The following CCDC102A variants were observed in gnomAD, a reference collection of about 807,000 sequenced individuals.
CCDC102A encodes the protein coiled-coil domain-containing protein 102A.
CCDC102A carries 40 observed loss-of-function variants against 55.5 expected under a neutral mutation model. The ratio of observed to expected loss-of-function variants is 0.72; its 90% confidence interval spans 0.56 to 0.94. The LOEUF (loss-of-function observed/expected upper bound fraction) is 0.94. CCDC102A is among the 40% of genes least tolerant of loss of function. The probability of loss-of-function intolerance (pLI) is 0.00; values close to 1 mark genes in which losing one functional copy is unlikely to be tolerated. For synonymous variants in CCDC102A, 323 were observed against 339.0 expected, an observed-to-expected ratio of 0.95 and a Z score of 0.52; for missense variants, 779 against 768.6, an observed-to-expected ratio of 1.01 and a Z score of -0.16.
intron 3 of CCDC102A, among the ~76,000 whole-genome samples, chr16:57,521,600 T>C (rs187007743): frequency 6.6e-6 from 1 of 152,218 alleles, no homozygotes; most frequent in Non-Finnish European, 1.5e-5. Flanking sequence ...CTATGTTCCC[T>C]GCAAGGCTTG....
chr16:57,536,108 C>T (rs1851945316), intron 1 of CCDC102A, among the ~76,000 whole-genome samples: 3 of 152,156 alleles, frequency 2.0e-5, no homozygotes, highest in Non-Finnish European at 2.9e-5. Context: ...CTGGGCAGGG[C>T]GCCGTGCTCT....
upstream of CCDC102A, chr16:57,536,717 GGGGCTCCAGCCTAACTTCGGGGCGA>G (rs2032402242): frequency 6.6e-6 from 1 of 152,204 alleles, no homozygotes; most frequent in South Asian, 2.1e-4. Context: ...TGCTGGGGTG[GGGGCTCCAGCCTAACTTCGGGGCGA>G]GGGGTGCGGG....
intron 1 of CCDC102A, among the ~76,000 whole-genome samples, chr16:57,534,462 CTTCA>C (rs1271052136): frequency 6.6e-6 from 1 of 152,184 alleles, no homozygotes; most frequent in Non-Finnish European, 1.5e-5. Context: ...TCTCTCCTTC[CTTCA>C]TCAGCAAACT....
intron 1 of CCDC102A, among the ~76,000 whole-genome samples, chr16:57,536,235 G>C (rs1288376987): frequency 6.7e-6 from 1 of 149,820 alleles, no homozygotes; most frequent in African/African-American, 2.4e-5. Context: ...CCCGGGCCGC[G>C]GCATTCCGGA....
intron 3 of CCDC102A, 51 bp from the exon 4 acceptor site, chr16:57,521,227 A>G (rs1340896760): frequency 2.9e-6 from 4 of 1,397,702 alleles, no homozygotes; most frequent in Non-Finnish European, 4.0e-6. Flanking sequence ...CTCTGCTTGG[A>G]GTCCTCACCA....
rs754402891 is a variant in CCDC102A, at chr16:57,521,065, C to G, written c.921+3G>C. 1 of 1,610,104 alleles carries G rather than the reference C, an allele frequency of 6.2e-7. No homozygotes were observed. Among genetic ancestry groups the G allele is most frequent in the Admixed American group, 1.7e-5 (1 of 60,002 alleles). On this transcript the variant is annotated splice_donor_region_variant and intron_variant, in intron 4 of 8. Transcript: ENST00000258214. ...GGAAGACCCTCTGGTCTCCAAGACTCACCTGCTTGAGCATCTCCTGCTTGG... is the reference window on the plus strand; with the variant it reads ...GGAAGACCCTCTGGTCTCCAAGACTGACCTGCTTGAGCATCTCCTGCTTGG...
In CCDC102A at chr16:57,530,046, A is replaced by G. The variant is rs147402488; in HGVS notation, c.-147-722T>C. Among the ~76,000 whole-genome samples the G allele has an allele frequency of 1.2e-3, 181 of 152,306 alleles. 1 individual carries two copies. The highest frequency in any genetic ancestry group is 4.3e-3 in the African/African-American group (179 of 41,558). On this transcript the variant is annotated intron_variant, in intron 1 of 8. Coordinates refer to ENST00000258214, the MANE Select transcript of CCDC102A (RefSeq NM_033212.4). ...TCCATTTATGGTATCTATGAGTACA[A>G]ATTCAAACTCTAGTAAGGATTTGCT...
At position 57,529,172 on chromosome 16, in the gene CCDC102A, G is replaced by A. The variant is rs1353145926; in HGVS notation, c.6C>T (p.Ser2=). Residue 2 remains serine (S), a synonymous_variant, in exon 2 of 9, where the codon AGC becomes AGT. Transcript: ENST00000258214. This position sits in a 1 kb window ranked among gnomAD's most constrained non-coding sequence, Gnocchi z 4.1. The part of the protein sequence containing the change: M[S]HGPSPRLAES... ...CGGCCAGCCGGGGGCTGGGCCCGTG[G>A]CTCATGGTGCGGCCGGGCGGGCCCT... 7 of 1,182,666 alleles carry A rather than the reference G, an allele frequency of 5.9e-6. No homozygotes were observed. In the African/African-American group the frequency reaches 6.5e-5, roughly 11 times the overall value. 73.3% of individuals were successfully genotyped at this position (1,182,666 alleles called of 1,614,324 possible). A position where few individuals can be genotyped will look rare whatever the true frequency, so the allele number is the denominator to read the frequency against.
intron 4 of CCDC102A, among the ~76,000 whole-genome samples, chr16:57,520,568 TAACATAACATAAC>T (rs2032028382): frequency 7.6e-6 from 1 of 131,626 alleles, no homozygotes; most frequent in East Asian, 2.0e-4. Context: ...TAACATAACA[TAACATAACATAAC>T]ATAACATAAC....
rs1733773568 is a variant in CCDC102A at position 57,525,966 on chromosome 16, G to A, written c.747C>T (p.Ala249=). The stretch of plus-strand genomic sequence containing the variant: ...GTAGCCGCAGGGCGGTCAACTTGGA[G>A]GCCTCCTCCTCCGTGGCAGCTGTGT... The part of the protein sequence containing the change: ...WEDTAATEEE[A]SKLTALRLRL... The change falls in exon 3 of 9, where the codon GCC becomes GCT. Residue 249 remains alanine, a synonymous_variant. Coordinates refer to ENST00000258214, the MANE Select transcript of CCDC102A (RefSeq NM_033212.4). The A allele has an allele frequency of 3.1e-6, 5 of 1,612,460 alleles. No homozygotes were observed. Among genetic ancestry groups the A allele is most frequent in the Non-Finnish European group, 3.4e-6 (4 of 1,179,324 alleles).
At chr16:57,535,364 C>G (rs2032352022) in intron 1 of CCDC102A, among the ~76,000 whole-genome samples, 1 of 152,146 alleles carries the variant, frequency 6.6e-6, no homozygotes, top group East Asian at 1.9e-4. Flanking sequence ...CAGAGACAGC[C>G]TGGATCATTG....
chr16:57,519,655 T>A (rs1176749410), intron 4 of CCDC102A, among the ~76,000 whole-genome samples: 5 of 152,268 alleles, frequency 3.3e-5, no homozygotes, highest in African/African-American at 1.2e-4. Context: ...TATAATTTTC[T>A]ACTAAATTGT....
At chr16:57,525,661 G>A (rs1401859195) in intron 3 of CCDC102A, among the ~76,000 whole-genome samples, 8 of 152,196 alleles carry the variant, frequency 5.3e-5, no homozygotes, top group Admixed American at 3.3e-4. Context: ...TCTTATTTAC[G>A]GCTGTATCCT....
chr16:57,518,605 G>A lies in CCDC102A; in HGVS notation c.1038+20C>T, dbSNP rs762647267. ...GGACCCCTAAACCCAGGTCCTCCTG[G>A]GTCCCATCCATGGCCTCACCTCGCC... On this transcript the variant is annotated intron_variant, in intron 5 of 8. Transcript: ENST00000258214. 16 of 1,594,958 alleles carry A rather than the reference G, an allele frequency of 1.0e-5. No individual in the cohort carries two copies. The highest frequency in any genetic ancestry group is 1.1e-5 in the Non-Finnish European group (13 of 1,164,272).
Position 57,529,906 on chromosome 16 carries a change from C to G in CCDC102A, c.-147-582G>C, listed in dbSNP as rs1215111627. Reference sequence around the variant, plus strand: ...CCTGACCACTGTTTTAGTCCCAACACATGATGACAATGATATTTGTGGAGG... The same window carrying G: ...CCTGACCACTGTTTTAGTCCCAACAGATGATGACAATGATATTTGTGGAGG... On this transcript the variant is annotated intron_variant, in intron 1 of 8. Transcript: ENST00000258214. The surrounding 1 kb of genome is among the most constrained non-coding windows in gnomAD (Gnocchi z 4.1). Among the ~76,000 whole-genome samples the G allele has an allele frequency of 2.6e-5, 4 of 152,216 alleles. No individual in the cohort carries two copies. Among genetic ancestry groups the G allele is most frequent in the African/African-American group, 9.6e-5 (4 of 41,460 alleles).
At chr16:57,518,306 T>C in intron 5 of CCDC102A, 29 bp from the exon 6 acceptor site, 1 of 1,598,970 alleles carries the variant, frequency 6.3e-7, no homozygotes, top group Non-Finnish European at 8.5e-7. Flanking sequence ...GAGTGAGGAC[T>C]CCCAGCGGAG....
intron 4 of CCDC102A, among the ~76,000 whole-genome samples, chr16:57,520,201 T>A (rs2032021665): frequency 6.6e-6 from 1 of 152,148 alleles, no homozygotes; most frequent in Admixed American, 6.5e-5. Flanking sequence ...CGCCTCTCAC[T>A]TCCTGCTCTC....
intron 4 of CCDC102A, among the ~76,000 whole-genome samples, chr16:57,519,607 A>G (rs1598072423): frequency 1.3e-5 from 2 of 152,250 alleles, no homozygotes; most frequent in African/African-American, 4.8e-5. Context: ...TCAACACATA[A>G]TGTTGAGGGA....
Position 57,525,911 on chromosome 16 carries a change from T to G in CCDC102A, c.802A>C (p.Lys268Gln). ...RLDESQKVLL[K>Q]EREDKLALSR... ...CCTCCCACGACTCACTCTCGCTCCT[T>G]GAGCAGCACCTTCTGGGACTCATCC... The change falls in exon 3 of 9, where the codon AAG becomes CAG. Residue 268 changes from lysine (K) to glutamine (Q), a missense_variant. Lys to Gln is a moderately conservative substitution (Grantham distance 53). Transcript: ENST00000258214. 2 of 1,612,152 alleles carry G rather than the reference T, an allele frequency of 1.2e-6. No individual in the cohort carries two copies. The highest frequency in any genetic ancestry group is 1.7e-6 in the Non-Finnish European group (2 of 1,179,382).
Sources: gnomAD v4.1 joint callset for allele counts (sites outside exome capture counted in the v4.1 genomes callset) on GRCh38, gnomAD v4.1.1 for gene constraint, Gnocchi (gnomAD v3.1) non-coding constraint, MANE v1.5 for transcripts, NCBI Gene and HGNC (gene_info 2026-07-23, HGNC 2026-07-21) for gene names.